The following PLCH1 variants were observed in gnomAD, a reference collection of about 807,000 sequenced individuals.
PLCH1 encodes the protein 1-phosphatidylinositol 4,5-bisphosphate phosphodiesterase eta-1.
A neutral mutation model predicts 126.7 loss-of-function variants in PLCH1; 60 were observed. The observed-to-expected ratio is 0.47, with a 90% confidence interval of 0.38 to 0.59. PLCH1 has a LOEUF of 0.59. Among genes scored for constraint, PLCH1 ranks in the 20% least tolerant of loss-of-function variants. The pLI is 0.00. For missense variants in PLCH1, 1,723 were observed against 2,040.0 expected, an observed-to-expected ratio of 0.84 and a Z score of 2.99; for synonymous variants, 719 against 734.9, an observed-to-expected ratio of 0.98 and a Z score of 0.35.
chr3:155,587,772 T>C (rs1731577753), intron 4 of PLCH1, among the ~76,000 whole-genome samples: 1 of 152,206 alleles, frequency 6.6e-6, no homozygotes, highest in African/African-American at 2.4e-5. Context: ...GCAGATGAAA[T>C]GGTAACACAG....
intron 1 of PLCH1, among the ~76,000 whole-genome samples, chr3:155,721,306 T>A (rs1382351392): frequency 6.6e-6 from 1 of 152,234 alleles, no homozygotes; most frequent in Non-Finnish European, 1.5e-5. Context: ...CTTTTGGCAG[T>A]ATGGTCATTT....
chr3:155,634,264 C>G (rs1489663351), intron 2 of PLCH1, among the ~76,000 whole-genome samples: 1 of 152,162 alleles, frequency 6.6e-6, no homozygotes, highest in East Asian at 1.9e-4. Flanking sequence ...AACCAAGAAA[C>G]AGCAGCAGCG....
At chr3:155,713,557 G>A (rs1747297829) in intron 1 of PLCH1, among the ~76,000 whole-genome samples, 3 of 152,180 alleles carry the variant, frequency 2.0e-5, no homozygotes, top group South Asian at 4.1e-4. Flanking sequence ...GGAATGGGAA[G>A]AAAATCTGGC....
At chr3:155,471,802 C>G (rs1310004520) in intron 21 of PLCH1, among the ~76,000 whole-genome samples, 1 of 152,126 alleles carries the variant, frequency 6.6e-6, no homozygotes, top group Admixed American at 6.5e-5. Context: ...TACATGGAAA[C>G]TGAACAACCT....
intron 11 of PLCH1, 109 bp from the exon 12 acceptor site, chr3:155,514,993 C>G: frequency 1.5e-6 from 1 of 665,186 alleles, no homozygotes; most frequent in Non-Finnish European, 2.3e-6. Flanking sequence ...CTCTCAATTA[C>G]TTGTAAGAAA....
intron 1 of PLCH1, among the ~76,000 whole-genome samples, chr3:155,706,498 T>TA (rs1351724570): frequency 6.6e-6 from 1 of 151,508 alleles, no homozygotes; most frequent in Non-Finnish European, 1.5e-5. Flanking sequence ...CACACACCTA[T>TA]AATCCCATCT....
At chr3:155,732,168 T>A (rs1019708421) in intron 1 of PLCH1, among the ~76,000 whole-genome samples, 5 of 151,522 alleles carry the variant, frequency 3.3e-5, no homozygotes, top group Admixed American at 1.3e-4. Flanking sequence ...TTCAAAAAAA[T>A]TAGGAAAACA....
chr3:155,591,327 C>T (rs1024484548), intron 4 of PLCH1, among the ~76,000 whole-genome samples: 5 of 151,990 alleles, frequency 3.3e-5, no homozygotes, highest in Non-Finnish European at 7.4e-5. Context: ...TGGATGGGGG[C>T]GGGGGTGTAA....
At chr3:155,699,202 A>G (rs1746078463) in intron 2 of PLCH1, among the ~76,000 whole-genome samples, 1 of 151,790 alleles carries the variant, frequency 6.6e-6, no homozygotes, top group African/African-American at 2.4e-5. Flanking sequence ...CAGCCTCCCA[A>G]GTAGCTGGGA....
intron 6 of PLCH1, among the ~76,000 whole-genome samples, chr3:155,578,790 G>A (rs1484185147): frequency 1.3e-5 from 2 of 152,126 alleles, no homozygotes; most frequent in East Asian, 1.9e-4. Flanking sequence ...AGCATTTGTG[G>A]AAAACAGCAG....
chr3:155,565,369 TA>T (rs1277488512), intron 7 of PLCH1, among the ~76,000 whole-genome samples: 1 of 152,076 alleles, frequency 6.6e-6, no homozygotes, highest in African/African-American at 2.4e-5. Context: ...GTGGGAGGTG[TA>T]TGGATCATGG....
In PLCH1 at chr3:155,743,487, G is replaced by T. The variant is rs930881140; in HGVS notation, c.-41+1353C>A. On this transcript the variant is annotated intron_variant, in intron 1 of 22. Transcript: ENST00000460012. Reference sequence around the variant, plus strand: ...GCGGAGGTTGCAGTGAGCCGAGATCGCACCACTGCACTCCAGCCTGGGCGA... The same window carrying T: ...GCGGAGGTTGCAGTGAGCCGAGATCTCACCACTGCACTCCAGCCTGGGCGA... 6.5e-5 allele frequency: 28 copies of T among 429,750 alleles called. No individual in the cohort carries two copies. The Admixed American group carries it at 7.5e-4, about 12-fold the overall frequency. The allele number at this position is 429,750 out of a possible 1,614,324, so 26.6% of individuals were successfully genotyped here.
At chr3:155,743,410 T>C in intron 1 of PLCH1, 1 of 385,450 alleles carries the variant, frequency 2.6e-6, no homozygotes, top group Non-Finnish European at 5.0e-6. Flanking sequence ...CGGGAGCCTG[T>C]AATCCCAGAT....
chr3:155,531,556 T>C (rs1304926266), intron 10 of PLCH1, among the ~76,000 whole-genome samples: 6 of 152,166 alleles, frequency 3.9e-5, no homozygotes, highest in South Asian at 2.1e-4. Context: ...ACCCAGGAGG[T>C]AGAAGTTGTA....
intron 1 of PLCH1, among the ~76,000 whole-genome samples, chr3:155,732,822 G>C (rs866038594): frequency 1.4e-5 from 2 of 146,604 alleles, no homozygotes; most frequent in South Asian, 4.3e-4. Flanking sequence ...ATGTTGCAGT[G>C]AGCTGAGATT....
intron 21 of PLCH1, among the ~76,000 whole-genome samples, chr3:155,453,754 G>GAAATTAATA (rs1333522756): frequency 6.7e-6 from 1 of 149,240 alleles, no homozygotes; most frequent in African/African-American, 2.5e-5. Flanking sequence ...TTAATAATTA[G>GAAATTAATA]AAATTAATAA....
At chr3:155,489,309 T>A (rs1715808495) in intron 19 of PLCH1, among the ~76,000 whole-genome samples, 1 of 152,016 alleles carries the variant, frequency 6.6e-6, no homozygotes, top group African/African-American at 2.4e-5. Flanking sequence ...ATTCTCTAAG[T>A]TTTTTTTAGA....
chr3:155,599,995 T>C (rs1217045916), intron 2 of PLCH1, among the ~76,000 whole-genome samples: 4 of 152,200 alleles, frequency 2.6e-5, no homozygotes, highest in African/African-American at 9.6e-5. Flanking sequence ...AACAATAGGC[T>C]TCTTAAATTG....
intron 2 of PLCH1, among the ~76,000 whole-genome samples, chr3:155,678,027 G>A (rs771992940): frequency 5.9e-5 from 9 of 152,050 alleles, no homozygotes; most frequent in Admixed American, 1.3e-4. Context: ...TCTCTTGCTC[G>A]GTCCTGAAAA....
Sources: gnomAD v4.1 joint callset for allele counts (sites outside exome capture counted in the v4.1 genomes callset) on GRCh38, gnomAD v4.1.1 for gene constraint, MANE v1.5 for transcripts, NCBI Gene and HGNC (gene_info 2026-07-23, HGNC 2026-07-21) for gene names.